The following HDAC6 variants were observed in gnomAD, a reference collection of about 807,000 sequenced individuals.
HDAC6 encodes protein deacetylase HDAC6.
HDAC6 carries 5 observed loss-of-function variants against 88.9 expected under a neutral mutation model. The observed-to-expected ratio is 0.06, with a 90% CI of 0.03 to 0.12. The LOEUF (loss-of-function observed/expected upper bound fraction) is 0.12. Among genes scored for constraint, HDAC6 ranks in the 10% least tolerant of loss-of-function variants. HDAC6 has a pLI of 1.00. For missense variants in HDAC6, 706 were observed against 1,014.4 expected (o/e 0.70, Z 4.13); for synonymous variants, 378 against 398.0 (o/e 0.95, Z 0.60).
At position 48,824,312 on chromosome X, in the gene HDAC6, C is replaced by G; in HGVS notation, c.3579+18C>G. ...ACCACCAGGTGGGCCCTGGGTAGAC[C>G]CTTCGACACGTGCACACTCACCCCC... is the stretch of plus-strand genomic sequence containing the variant. On this transcript the variant is annotated intron_variant, in intron 28 of 28. Coordinates refer to ENST00000334136, the MANE Select transcript of HDAC6 (RefSeq NM_006044.4). 1 of 1,201,193 alleles carries G rather than the reference C, an allele frequency of 8.3e-7. No homozygotes were observed. Among genetic ancestry groups the G allele is most frequent in the Non-Finnish European group, 1.1e-6 (1 of 890,146 alleles).
At chrX:48,802,246 A>T (rs1557022571) in intron 1 of HDAC6, 104 bp downstream of exon 1, 3 of 868,810 alleles carry the variant, frequency 3.5e-6, no homozygotes, top group Non-Finnish European at 4.2e-6. Context: ...GTGGGTGATT[A>T]TCCCGGGAGA....
intron 22 of HDAC6, among the ~76,000 whole-genome samples, chrX:48,819,005 G>A (rs1602269757): frequency 8.9e-6 from 1 of 112,084 alleles, no homozygotes; most frequent in Non-Finnish European, 1.9e-5. Context: ...CTCTGGGAGG[G>A]AGGGAAAGGG....
At position 48,802,914 on chromosome X, in the gene HDAC6, A is replaced by C. The variant is rs782651797; in HGVS notation, c.137A>C (p.Asn46Thr). The C allele has an allele frequency of 3.3e-6, 4 of 1,207,267 alleles. No individual in the cohort carries two copies. The highest frequency in any genetic ancestry group is 4.5e-6 in the Non-Finnish European group (4 of 893,680). The part of the protein sequence containing the change: ...KKGAVPRSIP[N>T]LAEVKKKGKM... ...GGAGCCGTTCCCCGCTCTATCCCCA[A>C]TCTAGCGGAGGTAAAGAAGAAAGGC... Residue 46 changes from asparagine to threonine, a missense_variant, in exon 3 of 29, where the codon AAT becomes ACT. Transcript: ENST00000334136.
intron 11 of HDAC6, 45 bp from the exon 12 acceptor site, chrX:48,814,630 G>A (rs782479985): frequency 3.0e-5 from 36 of 1,203,459 alleles, no homozygotes; most frequent in Admixed American, 1.3e-4. Flanking sequence ...TCAGCGGCTC[G>A]GGACAGGTGG....
In HDAC6 at chrX:48,814,209, T is replaced by A. The variant is rs782750767; in HGVS notation, c.807-231T>A. On this transcript the variant is annotated intron_variant, in intron 10 of 28. Coordinates refer to ENST00000334136, the MANE Select transcript of HDAC6 (RefSeq NM_006044.4). ...GAGTGAGGTAATGGATAAATAAAGA[T>A]AAGAATGAAAAAATGGTAAGATGAT... 8.3e-5 allele frequency: 34 copies of A among 408,551 alleles called. No homozygotes were observed. In the East Asian group the frequency reaches 1.2e-3, roughly 14 times the overall value. 33.7% of individuals were successfully genotyped at this position (408,551 alleles called of 1,213,427 possible).
At position 48,808,058 on chromosome X, in the gene HDAC6, A is replaced by G; in HGVS notation, c.658A>G (p.Ser220Gly). ...IRPPGHHAQH[S>G]LMDGYCMFNH... ...GCCTCCTGGACATCACGCCCAGCAC[A>G]GTCTTATGGATGGCTATTGCATGTT... The change falls in exon 9 of 29, where the codon AGT becomes GGT. Residue 220 changes from serine (S) to glycine (G), a missense_variant. This residue lies in a region of HDAC6 where 193 missense variants were observed against 258.2 expected (regional missense o/e 0.75). Transcript: ENST00000334136. 1.7e-6 allele frequency: 2 copies of G among 1,206,909 alleles called. No individual in the cohort carries two copies. The highest frequency in any genetic ancestry group is 2.2e-6 in the Non-Finnish European group (2 of 892,636).
In HDAC6 at chrX:48,802,089, C is replaced by G; in HGVS notation, c.-84C>G. 1 of 892,152 alleles carries G rather than the reference C, an allele frequency of 1.1e-6. No homozygotes were observed. Among genetic ancestry groups the G allele is most frequent in the Non-Finnish European group, 1.4e-6 (1 of 718,396 alleles). 73.5% of individuals were successfully genotyped at this position (892,152 alleles called of 1,213,427 possible). A position where few individuals can be genotyped will look rare whatever the true frequency, so the allele number is the denominator to read the frequency against. On this transcript the variant is annotated 5_prime_UTR_variant, in exon 1 of 29. Coordinates refer to ENST00000334136, the MANE Select transcript of HDAC6 (RefSeq NM_006044.4). ...GCTGGTTGAAGGAACGGGGCAGTCCCCTGAGGAGCGGGGCTGGTTGAAACG... is the reference window on the plus strand; with the variant it reads ...GCTGGTTGAAGGAACGGGGCAGTCCGCTGAGGAGCGGGGCTGGTTGAAACG...
chrX:48,806,665 G>A lies in HDAC6; in HGVS notation c.591G>A (p.Ala197=), dbSNP rs145768118. The change falls in exon 8 of 29, where the codon GCG becomes GCA. Residue 197 remains alanine, a synonymous_variant. Transcript: ENST00000334136. ...ASGSVLRLVD[A]VLGAEIRNGM... ...GCTCTGTCCTCAGGCTGGTGGATGC[G>A]GTCCTGGGGGCTGAGATCCGGAATG... is the stretch of plus-strand genomic sequence containing the variant. 83 of 1,207,163 alleles carry A rather than the reference G, an allele frequency of 6.9e-5. 1 individual carries two copies. The Admixed American group carries it at 1.1e-3, about 16-fold the overall frequency.
At chrX:48,803,265 CT>C in intron 4 of HDAC6, 49 bp downstream of exon 4, 1 of 938,904 alleles carries the variant, frequency 1.1e-6, no homozygotes, top group Non-Finnish European at 1.5e-6. Flanking sequence ...AATACACACA[CT>C]TAGAGCCCAT....
rs1557027323 is a variant in HDAC6, at chrX:48,815,633, G to T, written c.1315G>T (p.Val439Leu). The T allele has an allele frequency of 2.5e-6, 3 of 1,208,223 alleles. No homozygotes were observed. The highest frequency in any genetic ancestry group is 3.4e-6 in the Non-Finnish European group (3 of 892,544). ...CCTTGAGCCCTTCTGGGAGGTTCTT[G>T]TGAGATCAAGTAGGAAGTGGGGTGT... is the stretch of plus-strand genomic sequence containing the variant. ...EALEPFWEVL[V>L]RSTETVERDN... Residue 439 changes from valine to leucine, a missense_variant, in exon 16 of 29, where the codon GTG (valine) becomes TTG (leucine). Around this residue, in one of 9 missense-constraint regions of HDAC6, gnomAD observed 106 missense variants for 135.1 expected, o/e 0.78. Coordinates refer to ENST00000334136, the MANE Select transcript of HDAC6 (RefSeq NM_006044.4).
chrX:48,818,006 T>C (rs782216196), intron 20 of HDAC6, 35 bp from the exon 21 acceptor site: 1 of 1,146,446 alleles, frequency 8.7e-7, no homozygotes, highest in African/African-American at 1.8e-5. Context: ...AGGGCGTGAG[T>C]ATCGTCGGTT....
In HDAC6 at chrX:48,823,681, G is replaced by A. The variant is rs1557031238; in HGVS notation, c.3199G>A (p.Glu1067Lys). Reference protein sequence around the residue: ...ELGSESQGASESQAPGEENLL... With the variant: ...ELGSESQGASKSQAPGEENLL... Reference sequence around the variant, plus strand: ...ACTTCTGCGTGTCCAGGGGGCCTCAGAATCTCAGGCCCCAGGAGAGGAGAA... The same window carrying A: ...ACTTCTGCGTGTCCAGGGGGCCTCAAAATCTCAGGCCCCAGGAGAGGAGAA... Residue 1067 changes from glutamate to lysine, a missense_variant, in exon 26 of 29, where the codon GAA (glutamate) becomes AAA (lysine). Transcript: ENST00000334136. 8.3e-7 allele frequency: 1 copy of A among 1,207,652 alleles called. No individual in the cohort carries two copies. Among genetic ancestry groups the A allele is most frequent in the Middle Eastern group, 2.3e-4 (1 of 4,343 alleles).
intron 6 of HDAC6, 61 bp downstream of exon 6, chrX:48,805,732 G>C: frequency 1.0e-6 from 1 of 989,221 alleles, no homozygotes; most frequent in Non-Finnish European, 1.4e-6. Context: ...ACCAGGGCAA[G>C]CTAAACGCTT....
intron 4 of HDAC6, among the ~76,000 whole-genome samples, chrX:48,805,235 G>A (rs1409370609): frequency 1.8e-5 from 2 of 111,699 alleles, no homozygotes; most frequent in Admixed American, 9.5e-5. Flanking sequence ...AGGAGATGCC[G>A]CCACAGCCCA....
chrX:48,802,433 A>T, intron 1 of HDAC6: 1 of 973,747 alleles, frequency 1.0e-6, no homozygotes, highest in Non-Finnish European at 1.3e-6. Flanking sequence ...AGGGAAAGAG[A>T]ATCGTGTAAA....
At chrX:48,816,973 G>A (rs1557027869) in intron 19 of HDAC6, 1 of 268,587 alleles carries the variant, frequency 3.7e-6, no homozygotes, top group Non-Finnish European at 6.5e-6. Flanking sequence ...AAAAGGTCCG[G>A]GCGTGATGGC....
intron 8 of HDAC6, among the ~76,000 whole-genome samples, chrX:48,807,252 G>A (rs782224339): frequency 8.9e-6 from 1 of 112,013 alleles, no homozygotes; most frequent in East Asian, 2.8e-4. Flanking sequence ...CTTGGAGCCC[G>A]GTAGAACACC....
chrX:48,817,942 C>T (rs2063015419), intron 20 of HDAC6, 99 bp from the exon 21 acceptor site: 1 of 753,173 alleles, frequency 1.3e-6, no homozygotes, highest in African/African-American at 2.1e-5. Context: ...AGGGTCCTGC[C>T]ACTCAGCACT....
At position 48,808,096 on chromosome X, in the gene HDAC6, T is replaced by C; in HGVS notation, c.696T>C (p.Ala232=). ...GCTATTGCATGTTCAACCACGTGGC[T>C]GTGGCAGCCCGCTATGCTCAACAGA... The part of the protein sequence containing the change: ...MDGYCMFNHV[A]VAARYAQQKH... Residue 232 remains alanine (A), a synonymous_variant, in exon 9 of 29, where the codon GCT becomes GCC. Transcript: ENST00000334136. 5.8e-6 allele frequency: 7 copies of C among 1,207,427 alleles called. No homozygotes were observed. Among genetic ancestry groups the C allele is most frequent in the Middle Eastern group, 2.3e-4 (1 of 4,349 alleles).
Sources: gnomAD v4.1 joint callset for allele counts (sites outside exome capture counted in the v4.1 genomes callset) on GRCh38, gnomAD v4.1.1 for gene constraint, gnomAD v4.1.1 regional missense constraint, MANE v1.5 for transcripts, NCBI Gene and HGNC (gene_info 2026-07-23, HGNC 2026-07-21) for gene names.